NOA1: variants seen among roughly 807,000 people sequenced by gnomAD.
The protein encoded by NOA1 is nitric oxide associated 1.
In NOA1, 35 loss-of-function variants were observed where a neutral mutation model predicts 58.4. The observed-to-expected ratio is 0.60, with a 90% CI of 0.46 to 0.79. The LOEUF is 0.79. NOA1 is among the 30% of genes least tolerant of loss of function. NOA1 has a pLI of 0.00. For synonymous variants in NOA1, 397 were observed against 373.4 expected (o/e 1.06, Z -0.73); for missense variants, 895 against 894.6 (o/e 1.00, Z -0.01).
chr4:56,966,743 A>G lies in NOA1; in HGVS notation c.1648-7T>C, dbSNP rs767847996. On this transcript the variant is annotated splice_polypyrimidine_tract_variant and splice_region_variant and intron_variant, in intron 4 of 6. Coordinates refer to ENST00000264230, the MANE Select transcript of NOA1 (RefSeq NM_032313.4). ...ACCAAGCTGACTGATTTCCCTTAAG[A>G]AAGGAAGAAGTTATCTGACCTGGTG... is the stretch of plus-strand genomic sequence containing the variant. The G allele has an allele frequency of 6.3e-7, 1 of 1,584,572 alleles. No individual in the cohort carries two copies. Among genetic ancestry groups the G allele is most frequent in the Admixed American group, 1.7e-5 (1 of 59,756 alleles).
rs748584864 is a variant in NOA1, at chr4:56,964,420, T to C, written c.1871A>G (p.Lys624Arg). 10 of 1,613,974 alleles carry C rather than the reference T, an allele frequency of 6.2e-6. No individual in the cohort carries two copies. Among genetic ancestry groups the C allele is most frequent in the East Asian group, 2.2e-5 (1 of 44,888 alleles). ...CATAAAATTACCTGCAGAGGAAAAC[T>C]TGATGTCGGCCACTGCTTCAGATGC... ...LGASEAVADI[K>R]FSSAGWVSVT... The change falls in exon 6 of 7, where the codon AAG (lysine) becomes AGG (arginine). Residue 624 changes from lysine (K) to arginine (R), a missense_variant. By Grantham distance (26) the Lys-to-Arg change is conservative. This residue lies in a region of NOA1 where 212 missense variants were observed against 221.3 expected (regional missense o/e 0.96). Coordinates refer to ENST00000264230, the MANE Select transcript of NOA1 (RefSeq NM_032313.4).
chr4:56,970,280 T>C (rs976162653), intron 3 of NOA1, among the ~76,000 whole-genome samples: 2 of 151,904 alleles, frequency 1.3e-5, no homozygotes, highest in Non-Finnish European at 2.9e-5. Context: ...TAGACCAGAC[T>C]GGGCAACATA....
Position 56,976,979 on chromosome 4 carries a change from C to G in NOA1, c.607G>C (p.Glu203Gln). The G allele has an allele frequency of 6.3e-7, 1 of 1,597,484 alleles. No individual in the cohort carries two copies. The highest frequency in any genetic ancestry group is 1.1e-5 in the South Asian group (1 of 90,812). ...CGCCGCAACGCGGCGCTCACCAGCT[C>G]CAGGTACTGCTCGCGGCTCACCTGC... ...RLQVSREQYL[E>Q]LVSAALRRPG... The change falls in exon 1 of 7, where the codon GAG becomes CAG. Residue 203 changes from glutamate to glutamine, a missense_variant. Coordinates refer to ENST00000264230, the MANE Select transcript of NOA1 (RefSeq NM_032313.4).
intron 3 of NOA1, among the ~76,000 whole-genome samples, chr4:56,970,884 C>T (rs922879042): frequency 6.6e-6 from 1 of 152,174 alleles, no homozygotes; most frequent in Non-Finnish European, 1.5e-5. Flanking sequence ...TGCTGACAGA[C>T]GTTTATATCT....
At position 56,973,844 on chromosome 4, in the gene NOA1, T is replaced by C; in HGVS notation, c.1309+14A>G. 6.2e-7 allele frequency: 1 copy of C among 1,613,108 alleles called. No homozygotes were observed. The highest frequency in any genetic ancestry group is 1.1e-5 in the South Asian group (1 of 91,026). On this transcript the variant is annotated intron_variant, in intron 2 of 6. Coordinates refer to ENST00000264230, the MANE Select transcript of NOA1 (RefSeq NM_032313.4). ...CATAGTACCAACGAGGGTTTTCCCA[T>C]AGAGGATGCTTACCTACGACATAAC...
In NOA1 at chr4:56,976,965, G is replaced by A; in HGVS notation, c.621C>T (p.Ala207=). 1 of 1,600,750 alleles carries A rather than the reference G, an allele frequency of 6.2e-7. No homozygotes were observed. Among genetic ancestry groups the A allele is most frequent in the Non-Finnish European group, 8.5e-7 (1 of 1,176,740 alleles). Residue 207 remains alanine (A), a synonymous_variant, in exon 1 of 7, where the codon GCC becomes GCT. Transcript: ENST00000264230. The part of the protein sequence containing the change: ...SREQYLELVS[A]ALRRPGPSLV... Reference sequence around the variant, plus strand: ...GGGAGGGGCCGGGCCGCCGCAACGCGGCGCTCACCAGCTCCAGGTACTGCT... The same window carrying A: ...GGGAGGGGCCGGGCCGCCGCAACGCAGCGCTCACCAGCTCCAGGTACTGCT...
chr4:56,965,177 T>A (rs1229229344), intron 5 of NOA1, among the ~76,000 whole-genome samples: 2 of 152,006 alleles, frequency 1.3e-5, no homozygotes, highest in Admixed American at 1.3e-4. Flanking sequence ...TTTTTTTGTA[T>A]TTTTAGTAGA....
chr4:56,964,315 C>G lies in NOA1; in HGVS notation c.1885+91G>C, dbSNP rs571664006. 204 of 1,499,780 alleles carry G rather than the reference C, an allele frequency of 1.4e-4. No individual in the cohort carries two copies. In the African/African-American group the frequency reaches 2.6e-3, roughly 19 times the overall value. The allele number at this position is 1,499,780 out of a possible 1,614,324, so 92.9% of individuals were successfully genotyped here. A position where few individuals can be genotyped will look rare whatever the true frequency, so the allele number is the denominator to read the frequency against. ...CTCCCGACCTCAGGTGATCCGCCCA[C>G]CTCGGCCTCACAAAGTGCTGGGATT... is the stretch of plus-strand genomic sequence containing the variant. On this transcript the variant is annotated intron_variant, in intron 6 of 6. Coordinates refer to ENST00000264230, the MANE Select transcript of NOA1 (RefSeq NM_032313.4).
In NOA1 at chr4:56,977,352, G is replaced by T; in HGVS notation, c.234C>A (p.Ile78=). ...GGGTGGGTTGCGGCTCCGGATCCAG[G>T]ATGTACTCCGGGAACAGAAAACGCT... is the stretch of plus-strand genomic sequence containing the variant. ...MQERFLFPEY[I]LDPEPQPTRE... is the part of the protein sequence containing the mutation. Residue 78 remains isoleucine (I), a synonymous_variant, in exon 1 of 7, where the codon ATC becomes ATA. Coordinates refer to ENST00000264230, the MANE Select transcript of NOA1 (RefSeq NM_032313.4). 6.2e-7 allele frequency: 1 copy of T among 1,614,204 alleles called. No homozygotes were observed. The highest frequency in any genetic ancestry group is 1.1e-5 in the South Asian group (1 of 91,092).
In NOA1 at chr4:56,973,870, C is replaced by T. The variant is rs1332886073; in HGVS notation, c.1297G>A (p.Gly433Ser). Reference sequence around the variant, plus strand: ...AGAGGATGCTTACCTACGACATAACCATGCTTTTTGAGGACATTAAGCTGA... The same window carrying T: ...AGAGGATGCTTACCTACGACATAACTATGCTTTTTGAGGACATTAAGCTGA... ...QNQLNVLKKH[G>S]YVVGRVGRTF... The change falls in exon 2 of 7, where the codon GGT (glycine) becomes AGT (serine). Residue 433 changes from glycine to serine, a missense_variant. Gly to Ser is a moderately conservative substitution (Grantham distance 56). Transcript: ENST00000264230. 5 of 1,614,066 alleles carry T rather than the reference C, an allele frequency of 3.1e-6. No homozygotes were observed. The highest frequency in any genetic ancestry group is 1.3e-5 in the African/African-American group (1 of 75,034).
chr4:56,968,936 T>C (rs2109616152), intron 3 of NOA1, among the ~76,000 whole-genome samples: 1 of 152,346 alleles, frequency 6.6e-6, no homozygotes, highest in South Asian at 2.1e-4. Context: ...GTGGTAAGTA[T>C]GCATGCATTA....
chr4:56,977,207 C>A lies in NOA1; in HGVS notation c.379G>T (p.Val127Leu). Residue 127 changes from valine (V) to leucine (L), a missense_variant, in exon 1 of 7, where the codon GTG becomes TTG. Val to Leu is a conservative substitution (Grantham distance 32). This residue lies in a region of NOA1 where 680 missense variants were observed against 656.5 expected (regional missense o/e 1.04). Transcript: ENST00000264230. ...LRARSREHPV[V>L]GHPDPALPPS... ...GGCAATGCCGGGTCCGGGTGCCCCA[C>A]GACCGGGTGCTCCCGGGACCTGGCC... The A allele has an allele frequency of 6.4e-7, 1 of 1,572,676 alleles. No homozygotes were observed. Among genetic ancestry groups the A allele is most frequent in the Middle Eastern group, 1.7e-4 (1 of 5,964 alleles).
At chr4:56,973,385 C>G in intron 2 of NOA1, 32 bp from the exon 3 acceptor site, 1 of 1,536,816 alleles carries the variant, frequency 6.5e-7, no homozygotes, top group Non-Finnish European at 9.0e-7. Context: ...TTATTAGTCA[C>G]TCCTTTAATA....
intron 1 of NOA1, among the ~76,000 whole-genome samples, chr4:56,975,604 G>A (rs1018478139): frequency 5.3e-5 from 8 of 151,856 alleles, no homozygotes; most frequent in African/African-American, 1.7e-4. Context: ...TAGGCCAAGC[G>A]CGGTGGCTCA....
At chr4:56,971,535 A>G (rs1158946616) in intron 3 of NOA1, among the ~76,000 whole-genome samples, 11 of 152,280 alleles carry the variant, frequency 7.2e-5, no homozygotes, top group Non-Finnish European at 1.2e-4. Flanking sequence ...GAATGTAACT[A>G]TAAGTGTTCC....
intron 4 of NOA1, among the ~76,000 whole-genome samples, chr4:56,967,325 A>G (rs1237128578): frequency 1.3e-5 from 2 of 151,822 alleles, no homozygotes; most frequent in Non-Finnish European, 1.5e-5. Context: ...GGCCACAGTG[A>G]GCCGTGACTG....
chr4:56,976,566 G>C lies in NOA1; in HGVS notation c.1020C>G (p.Asp340Glu). The C allele has an allele frequency of 1.2e-6, 2 of 1,614,226 alleles. No individual in the cohort carries two copies. Among genetic ancestry groups the C allele is most frequent in the Non-Finnish European group, 1.7e-6 (2 of 1,180,040 alleles). ...CGTTGGTGGCGCCCACTAAGTAGAC[G>C]TCCCCACGGTAGCGCCAGGAGCGCT... ...ALQRSWRYRGDVYLVGATNAG... is the reference protein window; with the variant it reads ...ALQRSWRYRGEVYLVGATNAG... Residue 340 changes from aspartate to glutamate, a missense_variant, in exon 1 of 7, where the codon GAC (aspartate) becomes GAG (glutamate). Physicochemically the swap from Asp to Glu is conservative, Grantham distance 45. This residue lies in a region of NOA1 where 680 missense variants were observed against 656.5 expected (regional missense o/e 1.04). Coordinates refer to ENST00000264230, the MANE Select transcript of NOA1 (RefSeq NM_032313.4).
intron 3 of NOA1, among the ~76,000 whole-genome samples, chr4:56,971,020 G>C (rs191949753): frequency 6.6e-6 from 1 of 152,210 alleles, no homozygotes; most frequent in African/African-American, 2.4e-5. Context: ...GCATCTGAAA[G>C]GGAAGAATTA....
chr4:56,965,958 T>C (rs1383007241), intron 5 of NOA1, among the ~76,000 whole-genome samples: 1 of 147,056 alleles, frequency 6.8e-6, no homozygotes, highest in African/African-American at 2.5e-5. Context: ...TGCCTTAACC[T>C]CTCGAGGAGC....
Sources: allele counts gnomAD v4.1 joint callset (sites outside exome capture counted in the v4.1 genomes callset), GRCh38; gene constraint gnomAD v4.1.1; regional missense constraint gnomAD v4.1.1; transcripts MANE v1.5; gene names NCBI Gene and HGNC (gene_info 2026-07-23, HGNC 2026-07-21).